The following CCDC43 variants were observed in gnomAD, a reference collection of about 807,000 sequenced individuals.
CCDC43 encodes the protein coiled-coil domain-containing protein 43.
In CCDC43, 20 loss-of-function variants were observed where a neutral mutation model predicts 33.3. The observed-to-expected ratio is 0.60, with a 90% CI of 0.42 to 0.87. CCDC43 has a LOEUF of 0.87. Ranked by LOEUF, CCDC43 falls within the 40% of genes least tolerant of loss-of-function variation. The probability of loss-of-function intolerance (pLI) is 0.00; values close to 1 mark genes in which losing one functional copy is unlikely to be tolerated. For synonymous variants in CCDC43, 104 were observed against 106.5 expected, an observed-to-expected ratio of 0.98 and a Z score of 0.14; for missense variants, 248 against 269.9, an observed-to-expected ratio of 0.92 and a Z score of 0.57.
intron 1 of CCDC43, among the ~76,000 whole-genome samples, chr17:44,688,459 T>C (rs1425883076): frequency 2.0e-5 from 3 of 152,188 alleles, no homozygotes; most frequent in Non-Finnish European, 4.4e-5. Flanking sequence ...CACCTCATGG[T>C]ACATTTTGAT....
At chr17:44,685,010 T>G (rs1972213576) in intron 1 of CCDC43, among the ~76,000 whole-genome samples, 1 of 152,138 alleles carries the variant, frequency 6.6e-6, no homozygotes, top group African/African-American at 2.4e-5. Flanking sequence ...GGTCTCCAGC[T>G]CCTGACCTCA....
Position 44,678,690 on chromosome 17 carries a change from A to G in CCDC43, c.*166T>C, listed in dbSNP as rs1972111856. On this transcript the variant is annotated 3_prime_UTR_variant, in exon 5 of 5. Transcript: ENST00000315286. ...ATCTGATTGCCCACCCCACCAAAAC[A>G]GCACATTTTGTAATTAGAAGTGATT... 1.5e-6 allele frequency: 1 copy of G among 689,108 alleles called. No individual in the cohort carries two copies. The highest frequency in any genetic ancestry group is 2.4e-6 in the Non-Finnish European group (1 of 419,450). The allele number at this position is 689,108 out of a possible 1,614,324, so 42.7% of individuals were successfully genotyped here.
chr17:44,684,089 A>G, intron 1 of CCDC43, 130 bp from the exon 2 acceptor site: 1 of 644,994 alleles, frequency 1.6e-6, no homozygotes, highest in Non-Finnish European at 2.8e-6. Flanking sequence ...GAGCCACAAT[A>G]GAGTATGTTT....
At chr17:44,685,606 G>A (rs1221566338) in intron 1 of CCDC43, among the ~76,000 whole-genome samples, 1 of 152,156 alleles carries the variant, frequency 6.6e-6, no homozygotes, top group South Asian at 2.1e-4. Context: ...ACTTGTCAAA[G>A]AACAAGCATC....
In CCDC43 at chr17:44,682,232, T is replaced by C. The variant is rs532917619; in HGVS notation, c.293-94A>G. 2.3e-5 allele frequency: 34 copies of C among 1,466,500 alleles called. No individual in the cohort carries two copies. In the East Asian group the frequency reaches 4.3e-4, roughly 19 times the overall value. The allele number at this position is 1,466,500 out of a possible 1,614,324, so 90.8% of individuals were successfully genotyped here. ...ATAGGCAGCACTTGTACTGAAGACA[T>C]TGGCATCTGCTGCCTCCTTAGAGCC... On this transcript the variant is annotated intron_variant, in intron 2 of 4. Coordinates refer to ENST00000315286, the MANE Select transcript of CCDC43 (RefSeq NM_144609.3).
In CCDC43 at chr17:44,680,573, C is replaced by A; in HGVS notation, c.487+12G>T. ...TATGGAGAAACACATAGGGAGGGAC[C>A]CAGAAGGATACGTTTGTCAGAACCA... On this transcript the variant is annotated intron_variant, in intron 4 of 4. Transcript: ENST00000315286. 1 of 1,597,496 alleles carries A rather than the reference C, an allele frequency of 6.3e-7. No homozygotes were observed. Among genetic ancestry groups the A allele is most frequent in the South Asian group, 1.1e-5 (1 of 90,434 alleles).
rs979086898 is a variant in CCDC43 at position 44,680,661 on chromosome 17, A to G, written c.429-18T>C. Reference sequence around the variant, plus strand: ...CTGCTTCAGTAAGTGATGTTAAGGAAAGTCAGATGGAAAACAACATCCCAA... The same window carrying G: ...CTGCTTCAGTAAGTGATGTTAAGGAGAGTCAGATGGAAAACAACATCCCAA... On this transcript the variant is annotated intron_variant, in intron 3 of 4. Coordinates refer to ENST00000315286, the MANE Select transcript of CCDC43 (RefSeq NM_144609.3). The G allele has an allele frequency of 2.9e-5, 47 of 1,596,134 alleles. No homozygotes were observed. Among genetic ancestry groups the G allele is most frequent in the Non-Finnish European group, 4.0e-5 (47 of 1,164,524 alleles).
chr17:44,682,653 C>A (rs1162877616), intron 2 of CCDC43, among the ~76,000 whole-genome samples: 1 of 151,942 alleles, frequency 6.6e-6, no homozygotes, highest in African/African-American at 2.4e-5. Flanking sequence ...GTCAGGAGAT[C>A]GAGACCATCC....
intron 1 of CCDC43, chr17:44,687,766 T>G (rs1360673931): frequency 1.3e-5 from 2 of 152,200 alleles, no homozygotes; most frequent in Admixed American, 6.5e-5. Context: ...AAAACTACCT[T>G]AAATTGCTTG....
intron 4 of CCDC43, 40 bp from the exon 5 acceptor site, chr17:44,679,083 A>G (rs762438198): frequency 1.5e-5 from 23 of 1,522,142 alleles, no homozygotes; most frequent in Admixed American, 1.2e-4. Context: ...GGTCACACAG[A>G]TCACACCTAC....
At chr17:44,679,508 AAACTTT>A (rs961677686) in intron 4 of CCDC43, among the ~76,000 whole-genome samples, 7 of 152,332 alleles carry the variant, frequency 4.6e-5, no homozygotes, top group African/African-American at 1.4e-4. Flanking sequence ...TAACCTTATT[AAACTTT>A]ATCAATTTGC....
At position 44,678,821 on chromosome 17, in the gene CCDC43, A is replaced by G. The variant is rs1467364287; in HGVS notation, c.*35T>C. Reference sequence around the variant, plus strand: ...ATACACAACCAGTTCTCCCTTTGATAAGTTCATGGGGGGAAAGAATAGAGT... The same window carrying G: ...ATACACAACCAGTTCTCCCTTTGATGAGTTCATGGGGGGAAAGAATAGAGT... On this transcript the variant is annotated 3_prime_UTR_variant, in exon 5 of 5. Coordinates refer to ENST00000315286, the MANE Select transcript of CCDC43 (RefSeq NM_144609.3). The G allele has an allele frequency of 5.1e-6, 8 of 1,574,094 alleles. No homozygotes were observed. Among genetic ancestry groups the G allele is most frequent in the Non-Finnish European group, 6.9e-6 (8 of 1,157,916 alleles).
rs67280453 is a variant in CCDC43, at chr17:44,682,391, TAAAAAAAAAA to T, written c.293-263_293-254del. Among the ~76,000 whole-genome samples the T allele has an allele frequency of 4.0e-5, 4 of 100,990 alleles. No individual in the cohort carries two copies. The East Asian group carries it at 9.4e-4, about 24-fold the overall frequency. The allele number at this position is 100,990 out of a possible 152,430, so 66.3% of individuals were successfully genotyped here. On this transcript the variant is annotated intron_variant, in intron 2 of 4. Transcript: ENST00000315286. ...TTTATATACTGAAGTTCTGCTGCCT[TAAAAAAAAAA>T]AAAAAAAAAAAAGGTTGAAAAGCAC... is the stretch of plus-strand genomic sequence containing the variant.
Position 44,683,902 on chromosome 17 carries a change from G to C in CCDC43, c.262C>G (p.Gln88Glu), listed in dbSNP as rs11549083. 9.3e-6 allele frequency: 15 copies of C among 1,613,410 alleles called. No homozygotes were observed. Among genetic ancestry groups the C allele is most frequent in the Non-Finnish European group, 1.2e-5 (14 of 1,179,470 alleles). The change falls in exon 2 of 5, where the codon CAG becomes GAG. Residue 88 changes from glutamine to glutamate, a missense_variant. Gln to Glu is a conservative substitution (Grantham distance 29). Coordinates refer to ENST00000315286, the MANE Select transcript of CCDC43 (RefSeq NM_144609.3). ...KEIVERWSETQNVVTKVKKED... is the reference protein window; with the variant it reads ...KEIVERWSETENVVTKVKKED... The stretch of plus-strand genomic sequence containing the variant: ...TTTTTCACTTTGGTGACAACATTCT[G>C]AGTTTCTGACCATCGTTCCACAATC...
At position 44,680,652 on chromosome 17, in the gene CCDC43, T is replaced by A. The variant is rs766513424; in HGVS notation, c.429-9A>T. 1.2e-6 allele frequency: 2 copies of A among 1,602,132 alleles called. No individual in the cohort carries two copies. On this transcript the variant is annotated splice_polypyrimidine_tract_variant and intron_variant, in intron 3 of 4. Coordinates refer to ENST00000315286, the MANE Select transcript of CCDC43 (RefSeq NM_144609.3). ...CCTTCTCATCTGCTTCAGTAAGTGA[T>A]GTTAAGGAAAGTCAGATGGAAAACA...
chr17:44,686,260 C>T (rs1972234929), intron 1 of CCDC43, among the ~76,000 whole-genome samples: 1 of 152,286 alleles, frequency 6.6e-6, no homozygotes, highest in South Asian at 2.1e-4. Flanking sequence ...AGAGTCAGAA[C>T]ACAGACTTAT....
At chr17:44,680,524 T>C (rs2144687817) in intron 4 of CCDC43, 61 bp downstream of exon 4, 4 of 1,260,334 alleles carry the variant, frequency 3.2e-6, no homozygotes, top group Non-Finnish European at 4.6e-6. Flanking sequence ...GACAGCAAAA[T>C]AAAAACTGAT....
chr17:44,681,106 T>A (rs550600773), intron 3 of CCDC43, among the ~76,000 whole-genome samples: 40 of 152,154 alleles, frequency 2.6e-4, no homozygotes, highest in African/African-American at 6.0e-4. Flanking sequence ...ACCGGAACCA[T>A]AGCTCTGCCA....
rs534943447 is a variant in CCDC43, at chr17:44,689,729, C to G, written c.25G>C (p.Ala9Pro). 10 of 1,576,276 alleles carry G rather than the reference C, an allele frequency of 6.3e-6. No individual in the cohort carries two copies. Among genetic ancestry groups the G allele is most frequent in the Non-Finnish European group, 8.6e-6 (10 of 1,162,720 alleles). MAAPSEVA[A>P]IAPGEGDGGG... is the part of the protein sequence containing the mutation. ...CCATCGCCTTCGCCAGGGGCTATCG[C>G]GGCCACTTCGCTGGGCGCCGCCATC... Residue 9 changes from alanine to proline, a missense_variant, in exon 1 of 5, where the codon GCG (alanine) becomes CCG (proline). Ala to Pro is a conservative substitution (Grantham distance 27). Coordinates refer to ENST00000315286, the MANE Select transcript of CCDC43 (RefSeq NM_144609.3).
Sources: allele counts gnomAD v4.1 joint callset (sites outside exome capture counted in the v4.1 genomes callset), GRCh38; gene constraint gnomAD v4.1.1; transcripts MANE v1.5; gene names NCBI Gene and HGNC (gene_info 2026-07-23, HGNC 2026-07-21).